Variants in TNKS observed in about 807,000 individuals in gnomAD.
The protein encoded by TNKS is tankyrase.
TNKS carries 72 observed loss-of-function variants against 135.8 expected under a neutral mutation model. The observed-to-expected ratio is 0.53, with a 90% CI of 0.44 to 0.64. The LOEUF (loss-of-function observed/expected upper bound fraction) is 0.64. Ranked by LOEUF, TNKS falls within the 30% of genes least tolerant of loss-of-function variation. The probability of loss-of-function intolerance (pLI) is 0.00; values close to 1 mark genes in which losing one functional copy is unlikely to be tolerated. For synonymous variants in TNKS, 849 were observed against 649.3 expected, an observed-to-expected ratio of 1.31 and a Z score of -4.68; for missense variants, 1,769 against 1,674.0, an observed-to-expected ratio of 1.06 and a Z score of -0.99.
At chr8:9,588,067 A>G (rs1798455270) in intron 2 of TNKS, among the ~76,000 whole-genome samples, 2 of 152,196 alleles carry the variant, frequency 1.3e-5, no homozygotes, top group South Asian at 2.1e-4. Flanking sequence ...GTGGACTCAT[A>G]TTTGTGCTTA....
intron 26 of TNKS, among the ~76,000 whole-genome samples, chr8:9,775,161 T>C (rs1563229492): frequency 6.6e-6 from 1 of 152,162 alleles, no homozygotes; most frequent in Non-Finnish European, 1.5e-5. Context: ...TGCTAGATTT[T>C]TTTATACCCA....
intron 3 of TNKS, among the ~76,000 whole-genome samples, chr8:9,673,348 TGAAA>T (rs1802388171): frequency 1.3e-5 from 2 of 151,882 alleles, no homozygotes; most frequent in East Asian, 3.9e-4. Context: ...TTTTAAGACA[TGAAA>T]ATAATATATA....
intron 3 of TNKS, among the ~76,000 whole-genome samples, chr8:9,639,617 A>G (rs1391116617): frequency 6.6e-6 from 1 of 151,206 alleles, no homozygotes; most frequent in African/African-American, 2.4e-5. Context: ...TATGTTTTAG[A>G]TATTTATTGT....
chr8:9,604,336 C>G (rs1444368060), intron 2 of TNKS, among the ~76,000 whole-genome samples: 1 of 152,022 alleles, frequency 6.6e-6, no homozygotes, highest in Non-Finnish European at 1.5e-5. Flanking sequence ...ATATTTTAAA[C>G]AGTGTAACAT....
At chr8:9,684,429 CTT>C (rs1335049557) in intron 5 of TNKS, among the ~76,000 whole-genome samples, 1 of 151,916 alleles carries the variant, frequency 6.6e-6, no homozygotes, top group Non-Finnish European at 1.5e-5. Flanking sequence ...ACAGTCAACT[CTT>C]TTGAGAGTTC....
intron 2 of TNKS, among the ~76,000 whole-genome samples, chr8:9,588,946 G>T (rs956090954): frequency 6.6e-6 from 1 of 152,186 alleles, no homozygotes; most frequent in East Asian, 1.9e-4. Context: ...AGGTTAATGG[G>T]TTAATCGGAG....
At position 9,779,911 on chromosome 8, in the gene TNKS, G is replaced by C. The variant is rs1808388774; in HGVS notation, c.*3175G>C. On this transcript the variant is annotated 3_prime_UTR_variant, in exon 27 of 27. Coordinates refer to ENST00000310430, the MANE Select transcript of TNKS (RefSeq NM_003747.3). ...AGCAGCATAAGTAGAATCAACATTAGGATGTTTTCATGAAATAGCATCCTT... is the reference window on the plus strand; with the variant it reads ...AGCAGCATAAGTAGAATCAACATTACGATGTTTTCATGAAATAGCATCCTT... 6.6e-6 allele frequency: 1 copy of C among 152,168 alleles called. No homozygotes were observed. Among genetic ancestry groups the C allele is most frequent in the South Asian group, 2.1e-4 (1 of 4,828 alleles). The allele number at this position is 152,168 out of a possible 1,614,324, so 9.4% of individuals were successfully genotyped here. A position where few individuals can be genotyped will look rare whatever the true frequency, so the allele number is the denominator to read the frequency against.
At chr8:9,580,636 C>T (rs1277230414) in intron 2 of TNKS, among the ~76,000 whole-genome samples, 1 of 152,128 alleles carries the variant, frequency 6.6e-6, no homozygotes, top group African/African-American at 2.4e-5. Context: ...TTACTATTGT[C>T]AAATTTAGTT....
intron 24 of TNKS, 89 bp downstream of exon 24, chr8:9,765,886 A>C: frequency 9.2e-7 from 1 of 1,083,170 alleles, no homozygotes; most frequent in Non-Finnish European, 1.4e-6. Context: ...TGACTATAAT[A>C]CGGTTGTGTT....
intron 3 of TNKS, among the ~76,000 whole-genome samples, chr8:9,621,787 C>G (rs1799877388): frequency 6.6e-6 from 1 of 151,838 alleles, no homozygotes; most frequent in African/African-American, 2.4e-5. Context: ...AGACTGCATC[C>G]TAGAAAATAA....
At chr8:9,717,626 C>G (rs908318755) in intron 11 of TNKS, among the ~76,000 whole-genome samples, 1 of 152,094 alleles carries the variant, frequency 6.6e-6, no homozygotes, top group African/African-American at 2.4e-5. Flanking sequence ...GAGGCATTCA[C>G]TTACCAACCA....
At chr8:9,718,635 G>A (rs916776314) in intron 11 of TNKS, among the ~76,000 whole-genome samples, 3 of 152,114 alleles carry the variant, frequency 2.0e-5, no homozygotes, top group South Asian at 2.1e-4. Flanking sequence ...AGTTAGAAAT[G>A]AAAATACGTA....
chr8:9,614,744 A>G (rs1196067213), intron 2 of TNKS, among the ~76,000 whole-genome samples: 1 of 152,176 alleles, frequency 6.6e-6, no homozygotes, highest in Non-Finnish European at 1.5e-5. Flanking sequence ...GTATTACAGC[A>G]ACAGTCTCCT....
chr8:9,616,709 A>G (rs1799657988), intron 3 of TNKS, among the ~76,000 whole-genome samples: 1 of 152,210 alleles, frequency 6.6e-6, no homozygotes, highest in African/African-American at 2.4e-5. Context: ...CAATATAATT[A>G]TTGCTCAGAG....
chr8:9,736,239 C>G (rs11249942), intron 17 of TNKS, among the ~76,000 whole-genome samples: 106,024 of 150,990 alleles, frequency 0.7, 37,731 homozygotes, highest in Admixed American at 0.8. Context: ...ATTCGAGTAG[C>G]AGGCACAGTG....
chr8:9,761,961 C>G (rs916443686), intron 21 of TNKS, among the ~76,000 whole-genome samples: 5 of 152,226 alleles, frequency 3.3e-5, no homozygotes, highest in East Asian at 3.8e-4. Context: ...CCAGCCTTTA[C>G]ATTTGCTTCC....
At chr8:9,628,656 C>G (rs1358755869) in intron 3 of TNKS, among the ~76,000 whole-genome samples, 1 of 152,036 alleles carries the variant, frequency 6.6e-6, no homozygotes, top group Non-Finnish European at 1.5e-5. Context: ...GTGATTTCAT[C>G]GAGTCCATTT....
chr8:9,691,515 C>G (rs534675730), intron 5 of TNKS, among the ~76,000 whole-genome samples: 1 of 152,150 alleles, frequency 6.6e-6, no homozygotes, highest in East Asian at 1.9e-4. Flanking sequence ...CCTGAGCCCC[C>G]ACACAAAGGA....
Position 9,700,111 on chromosome 8 carries a change from A to G in TNKS, c.1108-4552A>G, listed in dbSNP as rs373057832. On this transcript the variant is annotated intron_variant, in intron 5 of 26. Transcript: ENST00000310430. ...TCTGCTTGCCTCTAGAGTGGTTTAG[A>G]CCAGCATCCTCCAGCCTTCCCGGGT... 3.3e-5 allele frequency among the ~76,000 whole-genome samples: 5 copies of G among 152,142 alleles called. No homozygotes were observed. In the East Asian group the frequency reaches 7.8e-4, roughly 24 times the overall value.
Sources: gnomAD v4.1 joint callset for allele counts (sites outside exome capture counted in the v4.1 genomes callset) on GRCh38, gnomAD v4.1.1 for gene constraint, MANE v1.5 for transcripts, NCBI Gene and HGNC (gene_info 2026-07-23, HGNC 2026-07-21) for gene names.